Variants in GLIS3 observed in about 807,000 individuals in gnomAD.
GLIS3 encodes the protein zinc finger protein GLIS3.
A neutral mutation model predicts 78.6 loss-of-function variants in GLIS3; 53 were observed. The observed-to-expected ratio is 0.67, with a 90% confidence interval of 0.54 to 0.85. The LOEUF (loss-of-function observed/expected upper bound fraction) is 0.85. Among genes scored for constraint, GLIS3 ranks in the 40% least tolerant of loss-of-function variants. GLIS3 has a pLI of 0.00. For missense variants in GLIS3, 1,703 were observed against 1,231.1 expected (o/e 1.38, Z -5.74); for synonymous variants, 684 against 509.9 (o/e 1.34, Z -4.60).
chr9:4,008,502 C>A (rs1821736873), intron 4 of GLIS3, among the ~76,000 whole-genome samples: 2 of 152,204 alleles, frequency 1.3e-5, no homozygotes, highest in African/African-American at 4.8e-5. Flanking sequence ...CAAAGCAGGG[C>A]TTGCAGAATT....
intron 4 of GLIS3, chr9:4,071,491 T>G (rs1462110330): frequency 6.6e-6 from 1 of 152,226 alleles, no homozygotes; most frequent in Non-Finnish European, 1.5e-5. Flanking sequence ...TGAAATAAAC[T>G]ATTTCTAATT....
intron 4 of GLIS3, among the ~76,000 whole-genome samples, chr9:4,107,728 C>T (rs1255383803): frequency 1.3e-5 from 2 of 149,538 alleles, no homozygotes; most frequent in Non-Finnish European, 3.0e-5. Flanking sequence ...AATTTGTTTT[C>T]AGATCAGAAG....
At chr9:3,900,058 G>C (rs118157840) in intron 6 of GLIS3, among the ~76,000 whole-genome samples, 1 of 152,126 alleles carries the variant, frequency 6.6e-6, no homozygotes, top group East Asian at 1.9e-4. Context: ...GTGCGGAGAA[G>C]TAAGAGTCAA....
At chr9:4,223,286 T>A (rs1297678582) in intron 2 of GLIS3, among the ~76,000 whole-genome samples, 2 of 152,218 alleles carry the variant, frequency 1.3e-5, no homozygotes, top group Non-Finnish European at 2.9e-5. Context: ...CCACTTCTAC[T>A]GTGTCACTTT....
rs758659760 is a variant in GLIS3, at chr9:4,286,448, C to T, written c.-23G>A. ...CATTCTGAAAAACCTGTGGCCAAGA[C>T]GGTCAAATATCCAATGTCACTAATG... On this transcript the variant is annotated 5_prime_UTR_variant, in exon 2 of 11. Transcript: ENST00000381971. 3.4e-5 allele frequency: 55 copies of T among 1,612,704 alleles called. 1 individual carries two copies. Among genetic ancestry groups the T allele is most frequent in the South Asian group, 3.0e-4 (27 of 91,026 alleles).
chr9:4,008,163 G>A (rs1254287266), intron 4 of GLIS3, among the ~76,000 whole-genome samples: 1 of 152,164 alleles, frequency 6.6e-6, no homozygotes, highest in African/African-American at 2.4e-5. Flanking sequence ...AGTGGGCTTG[G>A]CCTAGTTTTT....
At chr9:4,357,165 T>C in the GLIS3 span, among the ~76,000 whole-genome samples, 3 of 152,250 alleles carry the variant, frequency 2.0e-5, no homozygotes. Flanking sequence ...TGATCTTTAA[T>C]TTTGTATCAA....
At chr9:4,321,300 T>C (rs190334763) in intron 2 of GLIS3, among the ~76,000 whole-genome samples, 2,453 of 96,850 alleles carry the variant, frequency 0.025, 423 homozygotes, top group East Asian at 0.1. Flanking sequence ...CGGGCGCCTG[T>C]AGTCCCAGCT....
At chr9:4,110,053 G>A (rs1457809054) in intron 4 of GLIS3, among the ~76,000 whole-genome samples, 3 of 152,162 alleles carry the variant, frequency 2.0e-5, no homozygotes, top group Non-Finnish European at 2.9e-5. Context: ...TAGATTGTGA[G>A]CTCCCAAAGG....
the GLIS3 span, among the ~76,000 whole-genome samples, chr9:4,404,805 G>T: frequency 1.3e-5 from 2 of 151,976 alleles, no homozygotes; most frequent in African/African-American, 4.8e-5. Context: ...ATATCTTAAA[G>T]AACTAGACAA....
chr9:3,970,805 G>A (rs1349496500), intron 4 of GLIS3, among the ~76,000 whole-genome samples: 1 of 152,134 alleles, frequency 6.6e-6, no homozygotes, highest in Non-Finnish European at 1.5e-5. Context: ...GCTGGCAATT[G>A]AAGAGAGAAG....
At chr9:4,038,413 G>T (rs1474724961) in intron 4 of GLIS3, among the ~76,000 whole-genome samples, 2 of 152,280 alleles carry the variant, frequency 1.3e-5, no homozygotes, top group Middle Eastern at 3.4e-3. Flanking sequence ...TCATCAAGAT[G>T]ATAAAGGCCA....
At chr9:3,860,047 G>A (rs1014102133) in intron 8 of GLIS3, among the ~76,000 whole-genome samples, 8 of 151,974 alleles carry the variant, frequency 5.3e-5, no homozygotes, top group African/African-American at 1.4e-4. Context: ...AGGCCGAGGC[G>A]GGTGGATCAC....
chr9:4,137,671 C>CT (rs1833500222), intron 2 of GLIS3, among the ~76,000 whole-genome samples: 1 of 152,150 alleles, frequency 6.6e-6, no homozygotes. Context: ...AGTTTGTATT[C>CT]TAAAGTCCCA....
chr9:4,195,489 G>C (rs991593461), intron 2 of GLIS3, among the ~76,000 whole-genome samples: 1 of 152,196 alleles, frequency 6.6e-6, no homozygotes, highest in Non-Finnish European at 1.5e-5. Flanking sequence ...CTGCCGGCCC[G>C]CCAGCACCGC....
intron 2 of GLIS3, among the ~76,000 whole-genome samples, chr9:4,163,993 A>G (rs1051927831): frequency 6.6e-6 from 1 of 152,252 alleles, no homozygotes; most frequent in Non-Finnish European, 1.5e-5. Flanking sequence ...CTGGTCCTTC[A>G]TAAGAATTAA....
the GLIS3 span, among the ~76,000 whole-genome samples, chr9:4,399,101 T>C: frequency 2.0e-5 from 3 of 152,190 alleles, no homozygotes; most frequent in Non-Finnish European, 4.4e-5. Flanking sequence ...TTCTATACCA[T>C]TGCAGGATGA....
intron 6 of GLIS3, among the ~76,000 whole-genome samples, chr9:3,915,840 G>T (rs965681460): frequency 4.6e-5 from 7 of 152,064 alleles, no homozygotes; most frequent in African/African-American, 1.2e-4. Context: ...ATTTATCAAA[G>T]AAATACTCTC....
intron 2 of GLIS3, among the ~76,000 whole-genome samples, chr9:4,249,757 G>C (rs529632207): frequency 6.6e-5 from 10 of 152,184 alleles, no homozygotes; most frequent in Non-Finnish European, 1.3e-4. Context: ...CTGTGGGTTT[G>C]TCATAAATAG....
Sources: allele counts gnomAD v4.1 joint callset (sites outside exome capture counted in the v4.1 genomes callset), GRCh38; gene constraint gnomAD v4.1.1; transcripts MANE v1.5; gene names NCBI Gene and HGNC (gene_info 2026-07-23, HGNC 2026-07-21).